LRRTM4: variants seen among roughly 807,000 people sequenced by gnomAD.
The protein encoded by LRRTM4 is leucine rich repeat transmembrane neuronal 4, also known as leucine-rich repeat transmembrane neuronal protein 4.
Under a neutral mutation model 47.6 loss-of-function variants are expected in LRRTM4, and 25 were observed. The ratio of observed to expected loss-of-function variants is 0.53; its 90% CI spans 0.38 to 0.73. The LOEUF is 0.73. Ranked by LOEUF, LRRTM4 falls within the 30% of genes least tolerant of loss-of-function variation. The pLI is 0.00. For missense variants in LRRTM4, 638 were observed against 713.4 expected (o/e 0.89, Z 1.20); for synonymous variants, 311 against 269.5 (o/e 1.15, Z -1.51).
chr2:77,278,690 A>G (rs369866005), intron 3 of LRRTM4, among the ~76,000 whole-genome samples: 2 of 152,148 alleles, frequency 1.3e-5, no homozygotes, highest in East Asian at 3.9e-4. Context: ...AAGGACTCAG[A>G]TATGTGTGAG....
At chr2:77,291,401 T>C (rs932806021) in intron 3 of LRRTM4, among the ~76,000 whole-genome samples, 11 of 152,108 alleles carry the variant, frequency 7.2e-5, no homozygotes, top group Non-Finnish European at 1.3e-4. Context: ...AATTCTGCCA[T>C]GTGTATTTTT....
At chr2:77,187,405 T>C (rs555275912) in intron 3 of LRRTM4, among the ~76,000 whole-genome samples, 1 of 141,062 alleles carries the variant, frequency 7.1e-6, no homozygotes, top group East Asian at 2.1e-4. Flanking sequence ...AGCCTGCCTA[T>C]ATAAAAGTCA....
chr2:76,808,509 C>G (rs2103809836), intron 3 of LRRTM4, among the ~76,000 whole-genome samples: 1 of 150,632 alleles, frequency 6.6e-6, no homozygotes, highest in South Asian at 2.1e-4. Flanking sequence ...TCCAATCATG[C>G]CGAAAGAAAC....
chr2:77,080,490 A>G (rs1368479028), intron 3 of LRRTM4, among the ~76,000 whole-genome samples: 1 of 152,180 alleles, frequency 6.6e-6, no homozygotes, highest in East Asian at 1.9e-4. Flanking sequence ...TCTACCCTTG[A>G]TAATCTAACA....
chr2:77,295,304 A>G (rs553721093), intron 3 of LRRTM4, among the ~76,000 whole-genome samples: 181 of 152,216 alleles, frequency 1.2e-3, no homozygotes, highest in African/African-American at 4.3e-3. Flanking sequence ...CCATGTTAAG[A>G]TTCCTTTTTT....
chr2:77,481,058 C>A (rs955003116), intron 3 of LRRTM4, among the ~76,000 whole-genome samples: 1 of 152,164 alleles, frequency 6.6e-6, no homozygotes, highest in African/African-American at 2.4e-5. Context: ...TATTCCCTAA[C>A]TAGATGTTCC....
At chr2:76,758,744 G>C (rs1007817540) in intron 3 of LRRTM4, among the ~76,000 whole-genome samples, 2 of 152,090 alleles carry the variant, frequency 1.3e-5, no homozygotes, top group African/African-American at 4.8e-5. Flanking sequence ...TGCCATAATA[G>C]TTCATTTATT....
At chr2:77,144,386 C>T (rs1450768572) in intron 3 of LRRTM4, among the ~76,000 whole-genome samples, 3 of 151,852 alleles carry the variant, frequency 2.0e-5, no homozygotes, top group Non-Finnish European at 4.4e-5. Flanking sequence ...GCTTAACACA[C>T]TGACTCAGGG....
chr2:76,915,290 A>G (rs547472999), intron 3 of LRRTM4, among the ~76,000 whole-genome samples: 51 of 152,162 alleles, frequency 3.4e-4, no homozygotes, highest in Non-Finnish European at 6.3e-4. Flanking sequence ...TCATCAGGTA[A>G]CTGAAAATAA....
chr2:77,076,256 T>C (rs1334328129), intron 3 of LRRTM4, among the ~76,000 whole-genome samples: 1 of 152,204 alleles, frequency 6.6e-6, no homozygotes, highest in South Asian at 2.1e-4. Context: ...CTTCAGTGTT[T>C]GGTTTAACTT....
At chr2:77,195,245 C>T (rs1673777383) in intron 3 of LRRTM4, among the ~76,000 whole-genome samples, 1 of 151,620 alleles carries the variant, frequency 6.6e-6, no homozygotes. Flanking sequence ...TAATGACATG[C>T]CACTAAAATA....
intron 3 of LRRTM4, among the ~76,000 whole-genome samples, chr2:77,208,736 A>C (rs1162969095): frequency 1.3e-5 from 2 of 152,200 alleles, no homozygotes; most frequent in Non-Finnish European, 2.9e-5. Context: ...TTTAGACTAG[A>C]AAATCAAGCC....
intron 3 of LRRTM4, among the ~76,000 whole-genome samples, chr2:76,886,203 A>C (rs2104129054): frequency 6.6e-6 from 1 of 152,290 alleles, no homozygotes; most frequent in African/African-American, 2.4e-5. Context: ...CTGTTCATAT[A>C]ATGAAGGGTA....
intron 3 of LRRTM4, among the ~76,000 whole-genome samples, chr2:77,095,923 A>T (rs180797055): frequency 9.8e-5 from 15 of 152,306 alleles, no homozygotes; most frequent in African/African-American, 3.4e-4. Flanking sequence ...AAAGTCTTGG[A>T]CTATAGGAAT....
At chr2:76,985,413 C>T (rs780856067) in intron 3 of LRRTM4, among the ~76,000 whole-genome samples, 2 of 151,940 alleles carry the variant, frequency 1.3e-5, no homozygotes, top group Non-Finnish European at 2.9e-5. Flanking sequence ...TCTTTCCGTT[C>T]GTCTGCTAAC....
At position 76,966,958 on chromosome 2, in the gene LRRTM4, T is replaced by C. The variant is rs186607129; in HGVS notation, c.1552-218042A>G. 3.0e-3 allele frequency among the ~76,000 whole-genome samples: 453 copies of C among 151,606 alleles called. 3 individuals carry two copies. The highest frequency in any genetic ancestry group is 0.01 in the African/African-American group (421 of 41,488). On this transcript the variant is annotated intron_variant, in intron 3 of 3. Coordinates refer to ENST00000409884, the MANE Select transcript of LRRTM4 (RefSeq NM_001134745.3). ...AGCCCTCTCAATTTTTATTCTCGCA[T>C]ATTTTCTTGTATAATAGTATTACTA... is the stretch of plus-strand genomic sequence containing the variant.
chr2:76,828,048 G>C (rs75758349), intron 3 of LRRTM4, among the ~76,000 whole-genome samples: 1,528 of 152,030 alleles, frequency 0.01, 34 homozygotes, highest in African/African-American at 0.034. Context: ...ATTGCTTAGC[G>C]TAAGTGTTTA....
At position 77,067,896 on chromosome 2, in the gene LRRTM4, C is replaced by A. The variant is rs575447154; in HGVS notation, c.1552-318980G>T. Among the ~76,000 whole-genome samples the A allele has an allele frequency of 9.2e-5, 14 of 151,392 alleles. 1 individual carries two copies. Among genetic ancestry groups the A allele is most frequent in the African/African-American group, 3.4e-4 (14 of 41,254 alleles). On this transcript the variant is annotated intron_variant, in intron 3 of 3. Transcript: ENST00000409884. ...GTGAATATAAAACTAATCTTGATGACCATCAAAAAAAGGGAAAGTGATATA... is the reference window on the plus strand; with the variant it reads ...GTGAATATAAAACTAATCTTGATGAACATCAAAAAAAGGGAAAGTGATATA...
chr2:77,051,734 T>C (rs969339551), intron 3 of LRRTM4, among the ~76,000 whole-genome samples: 1 of 152,180 alleles, frequency 6.6e-6, no homozygotes, highest in Non-Finnish European at 1.5e-5. Flanking sequence ...CTGTTAGCAT[T>C]AACTATTTAC....
Sources: allele counts gnomAD v4.1 joint callset (sites outside exome capture counted in the v4.1 genomes callset), GRCh38; gene constraint gnomAD v4.1.1; transcripts MANE v1.5; gene names NCBI Gene and HGNC (gene_info 2026-07-23, HGNC 2026-07-21).